ATRN: variants seen among roughly 807,000 people sequenced by gnomAD.
ATRN encodes the protein attractin-2.
A neutral mutation model predicts 178.7 loss-of-function variants in ATRN; 54 were observed. The ratio of observed to expected loss-of-function variants is 0.30; its 90% CI spans 0.24 to 0.38. The LOEUF is 0.38. ATRN is among the 10% of genes least tolerant of loss of function. ATRN has a pLI of 1.00. For synonymous variants in ATRN, 636 were observed against 663.0 expected, an observed-to-expected ratio of 0.96 and a Z score of 0.63; for missense variants, 1,443 against 1,815.1, an observed-to-expected ratio of 0.79 and a Z score of 3.73.
chr20:3,511,684 G>C (rs769439308), intron 1 of ATRN, among the ~76,000 whole-genome samples: 12 of 152,086 alleles, frequency 7.9e-5, no homozygotes, highest in Non-Finnish European at 1.8e-4. Flanking sequence ...AATATGTTCT[G>C]TTCAAAAGAA....
intron 15 of ATRN, among the ~76,000 whole-genome samples, chr20:3,579,228 G>T (rs2086250150): frequency 6.6e-6 from 1 of 152,198 alleles, no homozygotes; most frequent in East Asian, 1.9e-4. Flanking sequence ...GCTCACACCT[G>T]TAATCCCAGC....
chr20:3,588,536 A>T (rs1002691513), intron 18 of ATRN, among the ~76,000 whole-genome samples: 1 of 152,132 alleles, frequency 6.6e-6, no homozygotes, highest in African/African-American at 2.4e-5. Context: ...TTTAGTCATG[A>T]TGTATACTTT....
At chr20:3,547,703 A>G (rs1396321872) in intron 5 of ATRN, among the ~76,000 whole-genome samples, 3 of 152,090 alleles carry the variant, frequency 2.0e-5, no homozygotes, top group African/African-American at 7.2e-5. Context: ...AGGGTTGGCC[A>G]TTTTTTGCAT....
intron 22 of ATRN, among the ~76,000 whole-genome samples, chr20:3,598,919 G>A (rs770014706): frequency 6.6e-6 from 1 of 152,142 alleles, no homozygotes; most frequent in Non-Finnish European, 1.5e-5. Flanking sequence ...GTAAGACAAA[G>A]TATATTGCTT....
intron 14 of ATRN, 121 bp from the exon 15 acceptor site, chr20:3,578,461 A>G (rs2086240674): frequency 4.7e-6 from 4 of 851,788 alleles, no homozygotes; most frequent in Admixed American, 2.9e-5. Context: ...CCACATCCTA[A>G]TGAAGTACCT....
chr20:3,598,058 G>A lies in ATRN; in HGVS notation c.3564+58G>A, dbSNP rs865984173. 195 of 1,169,214 alleles carry A rather than the reference G, an allele frequency of 1.7e-4. 1 individual carries two copies. Among genetic ancestry groups the A allele is most frequent in the South Asian group, 9.0e-4 (73 of 80,818 alleles). 72.4% of individuals were successfully genotyped at this position (1,169,214 alleles called of 1,614,324 possible). Reference sequence around the variant, plus strand: ...TGAATTTGTATGGATCTTTTTCTTGGTCATTACGGATGGACGTACTGCCTT... The same window carrying A: ...TGAATTTGTATGGATCTTTTTCTTGATCATTACGGATGGACGTACTGCCTT... On this transcript the variant is annotated intron_variant, in intron 22 of 28. Coordinates refer to ENST00000262919, the MANE Select transcript of ATRN (RefSeq NM_139321.3).
intron 25 of ATRN, among the ~76,000 whole-genome samples, chr20:3,627,078 C>T (rs2086947678): frequency 1.3e-5 from 2 of 152,148 alleles, no homozygotes; most frequent in South Asian, 2.1e-4. Flanking sequence ...TGAACCACTG[C>T]GCTCAGTCAA....
intron 3 of ATRN, 68 bp downstream of exon 3, chr20:3,540,403 C>A: frequency 9.9e-7 from 1 of 1,008,250 alleles, no homozygotes; most frequent in Non-Finnish European, 1.5e-6. Context: ...TTCTGGATTG[C>A]ATTCTTACTG....
At chr20:3,473,640 A>G (rs1018694294) in intron 1 of ATRN, among the ~76,000 whole-genome samples, 1 of 152,226 alleles carries the variant, frequency 6.6e-6, no homozygotes, top group African/African-American at 2.4e-5. Context: ...TTTCCATTTG[A>G]GAAGCTTCCA....
At chr20:3,555,071 G>C (rs2085853435) in intron 6 of ATRN, among the ~76,000 whole-genome samples, 1 of 133,578 alleles carries the variant, frequency 7.5e-6, no homozygotes, top group African/African-American at 2.9e-5. Context: ...CGTGATCTCG[G>C]CTCACTGCAG....
chr20:3,584,207 AAACC>A, intron 17 of ATRN, 124 bp downstream of exon 17: 4 of 1,059,090 alleles, frequency 3.8e-6, no homozygotes, highest in Non-Finnish European at 5.5e-6. Context: ...ACCTCTGCTC[AAACC>A]TGACCAGAGA....
intron 19 of ATRN, among the ~76,000 whole-genome samples, chr20:3,593,625 A>T (rs2086483830): frequency 6.6e-6 from 1 of 152,192 alleles, no homozygotes; most frequent in Non-Finnish European, 1.5e-5. Context: ...CAAGTGTCAG[A>T]CACTCATGAT....
chr20:3,623,648 A>G (rs967657286), intron 24 of ATRN, among the ~76,000 whole-genome samples: 1 of 152,034 alleles, frequency 6.6e-6, no homozygotes, highest in Non-Finnish European at 1.5e-5. Flanking sequence ...TTATAGTACC[A>G]TTGTCTCTCC....
chr20:3,495,033 T>C (rs2084859597), intron 1 of ATRN, among the ~76,000 whole-genome samples: 1 of 152,216 alleles, frequency 6.6e-6, no homozygotes, highest in South Asian at 2.1e-4. Flanking sequence ...TCATTTATAA[T>C]GTTATATCAT....
intron 1 of ATRN, among the ~76,000 whole-genome samples, chr20:3,525,380 C>T (rs986180613): frequency 6.6e-6 from 1 of 152,148 alleles, no homozygotes; most frequent in Non-Finnish European, 1.5e-5. Context: ...AGACTAATAA[C>T]GAGTTCTGAA....
Position 3,645,742 on chromosome 20 carries a change from C to G in ATRN, c.4166-981C>G, listed in dbSNP as rs983936891. 3.3e-5 allele frequency among the ~76,000 whole-genome samples: 5 copies of G among 152,158 alleles called. No individual in the cohort carries two copies. The highest frequency in any genetic ancestry group is 9.7e-5 in the African/African-American group (4 of 41,432). On this transcript the variant is annotated intron_variant, in intron 28 of 28. Transcript: ENST00000262919. The surrounding 1 kb of genome is among the most constrained non-coding windows in gnomAD (Gnocchi z 4.7). ...TTCCCCACTGTGTGCCAGGCACTTA[C>G]AGCTGTCTACCCCCACCCCCACTCC...
At chr20:3,516,231 G>A (rs1001604538) in intron 1 of ATRN, among the ~76,000 whole-genome samples, 3 of 152,200 alleles carry the variant, frequency 2.0e-5, no homozygotes, top group African/African-American at 7.2e-5. Context: ...CCACAGTGCG[G>A]AGAGTCTGTA....
intron 12 of ATRN, among the ~76,000 whole-genome samples, chr20:3,574,872 G>GC (rs2086182261): frequency 6.6e-6 from 1 of 152,040 alleles, no homozygotes; most frequent in Non-Finnish European, 1.5e-5. Context: ...TGTGAGAGCG[G>GC]CACCTGCCTT....
intron 24 of ATRN, among the ~76,000 whole-genome samples, chr20:3,608,781 A>G (rs963909250): frequency 6.6e-5 from 10 of 152,158 alleles, no homozygotes; most frequent in African/African-American, 2.2e-4. Flanking sequence ...AGCCTGGCCA[A>G]CATGGCAAAA....
Sources: allele counts gnomAD v4.1 joint callset (sites outside exome capture counted in the v4.1 genomes callset), GRCh38; gene constraint gnomAD v4.1.1; non-coding constraint Gnocchi (gnomAD v3.1); transcripts MANE v1.5; gene names NCBI Gene and HGNC (gene_info 2026-07-23, HGNC 2026-07-21).